EPN2: variants seen among roughly 807,000 people sequenced by gnomAD.
The protein encoded by EPN2 is epsin-2.
EPN2 carries 34 observed loss-of-function variants against 61.7 expected under a neutral mutation model. The ratio of observed to expected loss-of-function variants is 0.55; its 90% CI spans 0.42 to 0.73. The LOEUF (loss-of-function observed/expected upper bound fraction) is 0.73. EPN2 is among the 30% of genes least tolerant of loss of function. The probability of loss-of-function intolerance (pLI) is 0.00; values close to 1 mark genes in which losing one functional copy is unlikely to be tolerated. For missense variants in EPN2, 714 were observed against 839.2 expected (o/e 0.85, Z 1.84); for synonymous variants, 349 against 353.6 (o/e 0.99, Z 0.15).
chr17:19,318,369 T>TGAAACCC (rs776608640), intron 7 of EPN2, among the ~76,000 whole-genome samples: 10 of 151,474 alleles, frequency 6.6e-5, no homozygotes, highest in Admixed American at 2.0e-4. Context: ...GCCAACATGG[T>TGAAACCC]GAAACCCCAT....
rs56019127 is a variant in EPN2 at position 19,304,356 on chromosome 17, A to G, written c.767-5529A>G. Among the ~76,000 whole-genome samples, 1,185 of 152,312 alleles carry G rather than the reference A, an allele frequency of 7.8e-3. 3 individuals carry two copies. The highest frequency in any genetic ancestry group is 0.012 in the Non-Finnish European group (787 of 68,028). Reference sequence around the variant, plus strand: ...AGCGTTTCACTGCTGTTCAGTAACAAGGAAGGAACTTAGCTGAACTAGAGA... The same window carrying G: ...AGCGTTTCACTGCTGTTCAGTAACAGGGAAGGAACTTAGCTGAACTAGAGA... On this transcript the variant is annotated intron_variant, in intron 4 of 10. Coordinates refer to ENST00000314728, the MANE Select transcript of EPN2 (RefSeq NM_014964.5).
chr17:19,300,616 C>T lies in EPN2; in HGVS notation c.767-9269C>T, dbSNP rs966306761. The stretch of plus-strand genomic sequence containing the variant: ...GCTAATTTTGTATTTTTAGTAGAGA[C>T]GGGGTTTCTCCATGTTGGTCAGGCT... On this transcript the variant is annotated intron_variant, in intron 4 of 10. Transcript: ENST00000314728. Among the ~76,000 whole-genome samples the T allele has an allele frequency of 2.6e-5, 4 of 151,764 alleles. No homozygotes were observed. The South Asian group carries it at 6.2e-4, about 24-fold the overall frequency.
chr17:19,269,074 CTTATT>C (rs1480520130), intron 1 of EPN2, among the ~76,000 whole-genome samples: 4 of 152,150 alleles, frequency 2.6e-5, no homozygotes, highest in African/African-American at 9.7e-5. Context: ...GTCATGGGGA[CTTATT>C]TTATTTGTCC....
intron 7 of EPN2, among the ~76,000 whole-genome samples, chr17:19,316,373 T>A (rs1373618887): frequency 6.6e-6 from 1 of 152,272 alleles, no homozygotes; most frequent in African/African-American, 2.4e-5. Context: ...TTGGTTCTGA[T>A]GCACTTGGCA....
chr17:19,252,318 G>A (rs1168807549), intron 1 of EPN2, among the ~76,000 whole-genome samples: 1 of 152,132 alleles, frequency 6.6e-6, no homozygotes, highest in Non-Finnish European at 1.5e-5. Context: ...GAGTTTGACA[G>A]CTTAAGGGCA....
chr17:19,262,097 G>T (rs752332113), intron 1 of EPN2, among the ~76,000 whole-genome samples: 23 of 152,154 alleles, frequency 1.5e-4, no homozygotes, highest in Non-Finnish European at 2.9e-4. Flanking sequence ...TGAGGCAGGA[G>T]AATTGCTTGA....
chr17:19,274,465 T>A (rs2045286758), intron 1 of EPN2: 1 of 152,216 alleles, frequency 6.6e-6, no homozygotes, highest in African/African-American at 2.4e-5. Flanking sequence ...TCACCCGTAT[T>A]TATTGATTGG....
At chr17:19,286,551 T>C (rs750443859) in intron 4 of EPN2, among the ~76,000 whole-genome samples, 7 of 152,228 alleles carry the variant, frequency 4.6e-5, no homozygotes, top group Non-Finnish European at 8.8e-5. Context: ...GGTTCTCTGC[T>C]ACAGGGAAGA....
chr17:19,271,816 G>T (rs1250608200), intron 1 of EPN2: 1 of 152,258 alleles, frequency 6.6e-6, no homozygotes, highest in Non-Finnish European at 1.5e-5. Flanking sequence ...CTGTTCCTTG[G>T]CCAGCATCTG....
intron 7 of EPN2, among the ~76,000 whole-genome samples, chr17:19,323,642 A>G (rs561415886): frequency 6.6e-6 from 1 of 152,380 alleles, no homozygotes; most frequent in South Asian, 2.1e-4. Context: ...TGAGTGGCAT[A>G]GAGTCTTCAG....
At chr17:19,303,731 G>A (rs1223569075) in intron 4 of EPN2, 3 of 152,244 alleles carry the variant, frequency 2.0e-5, no homozygotes, top group Non-Finnish European at 4.4e-5. Flanking sequence ...TGATCTGGCT[G>A]TGGTCATGCT....
Position 19,283,409 on chromosome 17 carries a change from G to T in EPN2, c.290G>T (p.Arg97Leu), listed in dbSNP as rs753787529. 5.6e-6 allele frequency: 9 copies of T among 1,614,076 alleles called. No individual in the cohort carries two copies. The highest frequency in any genetic ancestry group is 1.3e-5 in the African/African-American group (1 of 74,926). ...TCCGAACGTGTGGCCCAGCAGTGCCGGGAGAACATCTTCGCCATCCAGACC... is the reference window on the plus strand; with the variant it reads ...TCCGAACGTGTGGCCCAGCAGTGCCTGGAGAACATCTTCGCCATCCAGACC... The part of the protein sequence containing the change: ...TGSERVAQQC[R>L]ENIFAIQTLK... Residue 97 changes from arginine (R) to leucine (L), a missense_variant, in exon 3 of 11, where the codon CGG (arginine) becomes CTG (leucine). By Grantham distance (102) the Arg-to-Leu change is moderately radical. Coordinates refer to ENST00000314728, the MANE Select transcript of EPN2 (RefSeq NM_014964.5). The surrounding 1 kb of genome is among the most constrained non-coding windows in gnomAD (Gnocchi z 7.0).
chr17:19,300,075 A>AGCCTAGGTGCC (rs1256879908), intron 4 of EPN2, among the ~76,000 whole-genome samples: 1 of 152,218 alleles, frequency 6.6e-6, no homozygotes, highest in Non-Finnish European at 1.5e-5. Flanking sequence ...TCAGGGCTGC[A>AGCCTAGGTGCC]GCCTAGGTGC....
intron 7 of EPN2, among the ~76,000 whole-genome samples, chr17:19,326,088 A>G (rs901459597): frequency 3.3e-5 from 5 of 152,252 alleles, no homozygotes; most frequent in Non-Finnish European, 7.3e-5. Flanking sequence ...AAAATTAAAA[A>G]GATTAAATTT....
chr17:19,252,833 G>C (rs1419113542), intron 1 of EPN2, among the ~76,000 whole-genome samples: 2 of 152,276 alleles, frequency 1.3e-5, no homozygotes, highest in East Asian at 1.9e-4. Context: ...GGGGCTACAG[G>C]TGCGTGTCAC....
intron 1 of EPN2, among the ~76,000 whole-genome samples, chr17:19,255,560 G>GATTTTTT (rs1567843880): frequency 1.1e-5 from 1 of 92,214 alleles, no homozygotes; most frequent in Non-Finnish European, 2.0e-5. Context: ...TCTGGGGAGA[G>GATTTTTT]TTTTTTTTTT....
intron 4 of EPN2, among the ~76,000 whole-genome samples, chr17:19,306,529 A>C (rs1194634687): frequency 1.3e-5 from 2 of 152,268 alleles, no homozygotes; most frequent in East Asian, 3.8e-4. Flanking sequence ...GTGGTGAGCC[A>C]GTATGTGCCA....
chr17:19,244,625 G>A (rs76455870), intron 1 of EPN2, among the ~76,000 whole-genome samples: 11 of 152,066 alleles, frequency 7.2e-5, no homozygotes, highest in African/African-American at 1.4e-4. Context: ...TTTACAGTTC[G>A]AATTTTTTTT....
chr17:19,322,010 C>T (rs1030620879), intron 7 of EPN2, among the ~76,000 whole-genome samples: 1 of 152,180 alleles, frequency 6.6e-6, no homozygotes, highest in Non-Finnish European at 1.5e-5. Context: ...AGTGTGATTC[C>T]AGCAGGGGGC....
Sources: allele counts gnomAD v4.1 joint callset (sites outside exome capture counted in the v4.1 genomes callset), GRCh38; gene constraint gnomAD v4.1.1; non-coding constraint Gnocchi (gnomAD v3.1); transcripts MANE v1.5; gene names NCBI Gene and HGNC (gene_info 2026-07-23, HGNC 2026-07-21).